The following SORBS2 variants were observed in gnomAD, a reference collection of about 807,000 sequenced individuals.
SORBS2 encodes sorbin and SH3 domain-containing protein 2.
In SORBS2, 46 loss-of-function variants were observed where a neutral mutation model predicts 97.7. That is an observed-to-expected ratio of 0.47 (90% CI 0.37 to 0.60). SORBS2 has a LOEUF of 0.60. Ranked by LOEUF, SORBS2 falls within the 20% of genes least tolerant of loss-of-function variation. SORBS2 has a pLI of 0.00. For missense variants in SORBS2, 1,316 were observed against 1,282.3 expected, an observed-to-expected ratio of 1.03 and a Z score of -0.40; for synonymous variants, 476 against 473.4, an observed-to-expected ratio of 1.01 and a Z score of -0.07.
chr4:185,816,600 C>T (rs939797280), intron 1 of SORBS2, among the ~76,000 whole-genome samples: 5 of 152,136 alleles, frequency 3.3e-5, no homozygotes, highest in African/African-American at 1.2e-4. Flanking sequence ...ATTCCAACCC[C>T]AAGAAATATA....
Position 185,938,218 on chromosome 4 carries a change from G to A in SORBS2, c.-338+17978C>T, listed in dbSNP as rs141977500. Among the ~76,000 whole-genome samples the A allele has an allele frequency of 4.2e-3, 644 of 151,738 alleles. 2 individuals carry two copies. The highest frequency in any genetic ancestry group is 0.015 in the African/African-American group (612 of 41,404). On this transcript the variant is annotated intron_variant, in intron 1 of 20. Coordinates refer to the SORBS2 transcript ENST00000284776. ...TCACCAGGTTGGCCAGGCTAGTCTC[G>A]AACTTCGGACCTCAGGTCATCCACC...
At chr4:185,691,858 C>A (rs969696211) in intron 2 of SORBS2, among the ~76,000 whole-genome samples, 1 of 152,138 alleles carries the variant, frequency 6.6e-6, no homozygotes, top group African/African-American at 2.4e-5. Context: ...CATTCTTCTG[C>A]CTCAGCCTCC....
At chr4:185,673,420 A>G (rs1424189923) in intron 4 of SORBS2, among the ~76,000 whole-genome samples, 2 of 152,260 alleles carry the variant, frequency 1.3e-5, no homozygotes, top group Non-Finnish European at 2.9e-5. Flanking sequence ...ATCTTGGAAC[A>G]AACTGAAAGT....
intron 12 of SORBS2, among the ~76,000 whole-genome samples, chr4:185,603,713 G>A (rs1026965026): frequency 6.6e-6 from 1 of 152,110 alleles, no homozygotes; most frequent in African/African-American, 2.4e-5. Flanking sequence ...TTCAGTGATG[G>A]ACTAATTTCA....
At chr4:185,880,790 A>T (rs2099236465) in intron 1 of SORBS2, among the ~76,000 whole-genome samples, 1 of 152,196 alleles carries the variant, frequency 6.6e-6, no homozygotes, top group African/African-American at 2.4e-5. Flanking sequence ...CATAGGCTGG[A>T]AGCAAATAGA....
chr4:185,649,583 T>G, exon 3 of SORBS2: 1 of 1,604,556 alleles, frequency 6.2e-7, no homozygotes, highest in Non-Finnish European at 8.5e-7. Context: ...CGGAGTGGCT[T>G]TTGGAAAGAG....
At position 185,941,406 on chromosome 4, in the gene SORBS2, C is replaced by T. The variant is rs188781686; in HGVS notation, c.-338+14790G>A. On this transcript the variant is annotated intron_variant, in intron 1 of 20. Coordinates refer to the SORBS2 transcript ENST00000284776. ...TTCCTATATTATCTGTCTTTTCCCACTAATATACTATCTCCATGAGAACAT... is the reference window on the plus strand; with the variant it reads ...TTCCTATATTATCTGTCTTTTCCCATTAATATACTATCTCCATGAGAACAT... Among the ~76,000 whole-genome samples, 16 of 152,300 alleles carry T rather than the reference C, an allele frequency of 1.1e-4. No individual in the cohort carries two copies. The East Asian group carries it at 3.1e-3, about 29-fold the overall frequency.
intron 2 of SORBS2, among the ~76,000 whole-genome samples, chr4:185,724,916 T>G (rs933309269): frequency 6.6e-6 from 1 of 152,222 alleles, no homozygotes; most frequent in Admixed American, 6.5e-5. Flanking sequence ...TCACGTCTGT[T>G]TCTCTCACCG....
chr4:185,781,555 CT>C lies in SORBS2; in HGVS notation c.-337-6190del, dbSNP rs1156761890. 2.3e-5 allele frequency among the ~76,000 whole-genome samples: 3 copies of C among 131,380 alleles called. No individual in the cohort carries two copies. The East Asian group carries it at 5.8e-4, about 26-fold the overall frequency. 86.2% of individuals were successfully genotyped at this position (131,380 alleles called of 152,430 possible). Reference sequence around the variant, plus strand: ...CAGCCTCCCTTCCATTGCCTCCAGCCTCTCCAGCCTCCCTTCCATTGCCTCT... The same window carrying C: ...CAGCCTCCCTTCCATTGCCTCCAGCCCTCCAGCCTCCCTTCCATTGCCTCT... On this transcript the variant is annotated intron_variant, in intron 1 of 20. Transcript: ENST00000284776.
exon 3 of SORBS2, chr4:185,649,602 G>A: frequency 1.3e-6 from 2 of 1,597,468 alleles, no homozygotes; most frequent in Non-Finnish European, 1.7e-6. Flanking sequence ...AGGTCTGTAG[G>A]TTTGGGTCTT....
chr4:185,757,126 C>A, intron 2 of SORBS2: 1 of 480,696 alleles, frequency 2.1e-6, no homozygotes. Flanking sequence ...ACACTGTCCA[C>A]TGTAGGGGTT....
At chr4:185,670,003 G>A (rs1326480127) in intron 4 of SORBS2, among the ~76,000 whole-genome samples, 1 of 152,152 alleles carries the variant, frequency 6.6e-6, no homozygotes, top group African/African-American at 2.4e-5. Context: ...CAGATCACCT[G>A]AGGTCAGGAG....
chr4:185,784,879 C>A (rs1171312323), intron 1 of SORBS2, among the ~76,000 whole-genome samples: 1 of 152,194 alleles, frequency 6.6e-6, no homozygotes, highest in Admixed American at 6.5e-5. Flanking sequence ...AATGAGCCGA[C>A]ATGCCTAACG....
At chr4:185,793,750 A>C (rs1405074463) in intron 1 of SORBS2, among the ~76,000 whole-genome samples, 1 of 152,170 alleles carries the variant, frequency 6.6e-6, no homozygotes, top group East Asian at 1.9e-4. Flanking sequence ...ACTGAGAGCC[A>C]GTTATGTGCC....
chr4:185,859,698 G>A (rs886394174), intron 1 of SORBS2, among the ~76,000 whole-genome samples: 3 of 152,128 alleles, frequency 2.0e-5, no homozygotes, highest in Non-Finnish European at 4.4e-5. Flanking sequence ...CTGAGGTCAG[G>A]GATCATTTTT....
In SORBS2 at chr4:185,649,578, TG is replaced by T; in HGVS notation, c.169del (p.His57ThrfsTer84). Reference sequence around the variant, plus strand: ...AAAGGCATTGGGGCTGTTGTCGGAGTGGCTTTTGGAAAGAGGTCTGTAGGTT... The same window carrying T: ...AAAGGCATTGGGGCTGTTGTCGGAGTGCTTTTGGAAAGAGGTCTGTAGGTT... On this transcript the variant is annotated frameshift_variant, in exon 3 of 15. Coordinates refer to ENST00000418609, the Ensembl canonical transcript of SORBS2. LOFTEE classifies it high-confidence loss of function. The T allele has an allele frequency of 6.2e-7, 1 of 1,604,760 alleles. No individual in the cohort carries two copies. Among genetic ancestry groups the T allele is most frequent in the Non-Finnish European group, 8.5e-7 (1 of 1,175,608 alleles).
intron 4 of SORBS2, chr4:185,665,680 C>A: frequency 2.3e-6 from 2 of 867,802 alleles, no homozygotes; most frequent in Non-Finnish European, 2.8e-6. Flanking sequence ...GATGGCACAA[C>A]AAATCAGTCC....
chr4:185,862,219 T>C (rs547481643), intron 1 of SORBS2, among the ~76,000 whole-genome samples: 11 of 152,304 alleles, frequency 7.2e-5, no homozygotes, highest in African/African-American at 2.2e-4. Context: ...CCAGTAGGTG[T>C]TGGGCCGTGA....
chr4:185,705,889 G>A (rs2098335647), intron 2 of SORBS2, among the ~76,000 whole-genome samples: 1 of 152,072 alleles, frequency 6.6e-6, no homozygotes, highest in African/African-American at 2.4e-5. Flanking sequence ...TGAATGTAAT[G>A]GTGTCCCTAG....
Sources: allele counts gnomAD v4.1 joint callset (sites outside exome capture counted in the v4.1 genomes callset), GRCh38; gene constraint gnomAD v4.1.1; transcripts MANE v1.5; gene names NCBI Gene and HGNC (gene_info 2026-07-23, HGNC 2026-07-21).